ARRB1: variants seen among roughly 807,000 people sequenced by gnomAD.
The protein encoded by ARRB1 is arrestin beta 1, also known as beta-arrestin-1.
A neutral mutation model predicts 56.8 loss-of-function variants in ARRB1; 21 were observed. The ratio of observed to expected loss-of-function variants is 0.37; its 90% CI spans 0.26 to 0.53. The LOEUF is 0.53. Ranked by LOEUF, ARRB1 falls within the 20% of genes least tolerant of loss-of-function variation. The probability of loss-of-function intolerance (pLI) is 0.88; values close to 1 mark genes in which losing one functional copy is unlikely to be tolerated. For missense variants in ARRB1, 424 were observed against 553.7 expected (o/e 0.77, Z 2.35); for synonymous variants, 210 against 218.6 (o/e 0.96, Z 0.35).
chr11:75,343,036 C>T (rs567609288), intron 1 of ARRB1, among the ~76,000 whole-genome samples: 61 of 152,202 alleles, frequency 4.0e-4, no homozygotes, highest in Admixed American at 2.2e-3. Flanking sequence ...AGTATCTCCT[C>T]CCAGCGAAAT....
At chr11:75,296,185 C>CAAAA (rs11428462) in intron 1 of ARRB1, among the ~76,000 whole-genome samples, 1,600 of 84,626 alleles carry the variant, frequency 0.019, 52 homozygotes, top group African/African-American at 0.039. Context: ...GACTTTGTCT[C>CAAAA]AAAAAAAAAA....
rs1343502612 is a variant in ARRB1 at position 75,261,350 on chromosome 11, G to A, written c.*4813C>T. 2 of 152,016 alleles carry A rather than the reference G, an allele frequency of 1.3e-5. No individual in the cohort carries two copies. The highest frequency in any genetic ancestry group is 6.6e-5 in the Admixed American group (1 of 15,266). The allele number at this position is 152,016 out of a possible 1,614,324, so 9.4% of individuals were successfully genotyped here. On this transcript the variant is annotated 3_prime_UTR_variant, in exon 16 of 16. Coordinates refer to ENST00000420843, the MANE Select transcript of ARRB1 (RefSeq NM_004041.5). Reference sequence around the variant, plus strand: ...GCTGGCTGGTCTAAGATCAAACCTCGAGATGGTGGTTTGAAGTTCTTCTTC... The same window carrying A: ...GCTGGCTGGTCTAAGATCAAACCTCAAGATGGTGGTTTGAAGTTCTTCTTC...
intron 9 of ARRB1, 28 bp downstream of exon 9, chr11:75,277,336 C>T: frequency 6.2e-7 from 1 of 1,605,144 alleles, no homozygotes; most frequent in South Asian, 1.1e-5. Flanking sequence ...TCTCGCTGTC[C>T]CCTAAGCTGA....
chr11:75,332,485 T>C (rs1416244500), intron 1 of ARRB1, among the ~76,000 whole-genome samples: 1 of 152,246 alleles, frequency 6.6e-6, no homozygotes, highest in East Asian at 1.9e-4. Context: ...CAGCCACCAT[T>C]AGACTTCAAA....
intron 1 of ARRB1, among the ~76,000 whole-genome samples, chr11:75,341,601 C>T (rs1947694169): frequency 6.6e-6 from 1 of 152,204 alleles, no homozygotes; most frequent in African/African-American, 2.4e-5. Context: ...CTGCCTAACT[C>T]TGAATTCCAA....
chr11:75,313,455 G>A (rs771209118), intron 1 of ARRB1, among the ~76,000 whole-genome samples: 4 of 152,244 alleles, frequency 2.6e-5, no homozygotes, highest in Admixed American at 6.5e-5. Flanking sequence ...GCTAGGGGGA[G>A]AGTCTGAGGA....
intron 9 of ARRB1, 71 bp from the exon 10 acceptor site, chr11:75,276,982 C>A (rs370729562): frequency 6.6e-7 from 1 of 1,521,770 alleles, no homozygotes. Flanking sequence ...CAGGCGTCCC[C>A]GGGTTGGGGA....
rs1471752057 is a variant in ARRB1, at chr11:75,318,347, C to A, written c.21-28308G>T. Among the ~76,000 whole-genome samples the A allele has an allele frequency of 4.6e-5, 7 of 151,904 alleles. No homozygotes were observed. The East Asian group carries it at 1.4e-3, about 29-fold the overall frequency. ...ATTTTTTTATTATTATTTGTGGAGA[C>A]AAGGTCTCACTATGTTGCCCAGGCT... is the stretch of plus-strand genomic sequence containing the variant. On this transcript the variant is annotated intron_variant, in intron 1 of 15. Transcript: ENST00000420843.
At chr11:75,280,893 G>A (rs1451683169) in intron 7 of ARRB1, 182 bp downstream of exon 7, 6 of 664,062 alleles carry the variant, frequency 9.0e-6, no homozygotes, top group African/African-American at 5.4e-5. Flanking sequence ...CCAGGCAGTC[G>A]AAGCCACCTC....
At chr11:75,288,149 C>T (rs966010288) in intron 2 of ARRB1, among the ~76,000 whole-genome samples, 2 of 152,240 alleles carry the variant, frequency 1.3e-5, no homozygotes, top group Admixed American at 1.3e-4. Context: ...AGGCGTGAGC[C>T]ACCGTGCCCG....
intron 3 of ARRB1, among the ~76,000 whole-genome samples, chr11:75,284,902 CAAAAT>C (rs59336893): frequency 0.91 from 137,434 of 150,584 alleles, 62,828 homozygotes; most frequent in Non-Finnish European, 0.92. Context: ...GACTCTGTCT[CAAAAT>C]AAAATAAAAT....
At chr11:75,330,557 G>A (rs947815181) in intron 1 of ARRB1, among the ~76,000 whole-genome samples, 2 of 152,180 alleles carry the variant, frequency 1.3e-5, no homozygotes, top group East Asian at 1.9e-4. Context: ...AAACTCTGCC[G>A]AAGAAATATA....
chr11:75,330,467 T>C (rs1947504824), intron 1 of ARRB1, among the ~76,000 whole-genome samples: 1 of 151,948 alleles, frequency 6.6e-6, no homozygotes, highest in Non-Finnish European at 1.5e-5. Flanking sequence ...TATATGTAAA[T>C]GTTTATGCCA....
intron 1 of ARRB1, among the ~76,000 whole-genome samples, chr11:75,311,304 C>T (rs1323284412): frequency 6.6e-6 from 1 of 152,156 alleles, no homozygotes; most frequent in Non-Finnish European, 1.5e-5. Context: ...CCGTTGCACT[C>T]CAGCCTGGGC....
intron 1 of ARRB1, among the ~76,000 whole-genome samples, chr11:75,348,333 G>C (rs369831031): frequency 1.3e-5 from 2 of 152,140 alleles, no homozygotes; most frequent in African/African-American, 4.8e-5. Flanking sequence ...CTTTCCAGGA[G>C]AGCTTCCTGT....
chr11:75,335,856 C>T (rs1395865301), intron 1 of ARRB1, among the ~76,000 whole-genome samples: 2 of 152,238 alleles, frequency 1.3e-5, no homozygotes, highest in Admixed American at 6.5e-5. Flanking sequence ...TTGGCCCACA[C>T]GACAGTCCTG....
At chr11:75,284,200 C>T in intron 4 of ARRB1, 35 bp downstream of exon 4, 1 of 1,585,226 alleles carries the variant, frequency 6.3e-7, no homozygotes. Context: ...GAGGAGGCGG[C>T]CCTTGACAGG....
intron 1 of ARRB1, among the ~76,000 whole-genome samples, chr11:75,339,522 GA>G (rs373184565): frequency 5.1e-4 from 78 of 152,336 alleles, no homozygotes; most frequent in African/African-American, 1.8e-3. Context: ...AGTCCTGGAT[GA>G]AAACACATGT....
At chr11:75,342,828 C>T (rs1947711171) in intron 1 of ARRB1, among the ~76,000 whole-genome samples, 1 of 152,204 alleles carries the variant, frequency 6.6e-6, no homozygotes. Flanking sequence ...CGGGAATGAG[C>T]CGCCAATCCC....
Sources: allele counts gnomAD v4.1 joint callset (sites outside exome capture counted in the v4.1 genomes callset), GRCh38; gene constraint gnomAD v4.1.1; transcripts MANE v1.5; gene names NCBI Gene and HGNC (gene_info 2026-07-23, HGNC 2026-07-21).